Variants in CENPF observed in about 807,000 individuals in gnomAD.
CENPF encodes the protein centromere protein F.
In CENPF, 214 loss-of-function variants were observed where a neutral mutation model predicts 307.3. The ratio of observed to expected loss-of-function variants is 0.70; its 90% CI spans 0.62 to 0.78. The LOEUF (loss-of-function observed/expected upper bound fraction) is 0.78. CENPF is among the 30% of genes least tolerant of loss of function. The pLI, the probability that CENPF is intolerant of heterozygous loss-of-function variation, is 0.00. For missense variants in CENPF, 3,401 were observed against 3,483.9 expected (o/e 0.98, Z 0.60); for synonymous variants, 1,259 against 1,270.6 (o/e 0.99, Z 0.19).
At position 214,642,920 on chromosome 1, in the gene CENPF, T is replaced by C. The variant is rs141472136; in HGVS notation, c.4582T>C (p.Cys1528Arg). Residue 1528 changes from cysteine to arginine, a missense_variant, in exon 12 of 20, where the codon TGC (cysteine) becomes CGC (arginine). By Grantham distance (180) the Cys-to-Arg change is radical. Transcript: ENST00000366955. ...ANQCSVDEVF[C>R]SSLQEENLTR... ...CCAGTGCAGTGTAGATGAAGTATTT[T>C]GCAGCAGTCTGCAGGAGGAGAATCT... 371 of 1,613,818 alleles carry C rather than the reference T, an allele frequency of 2.3e-4. 1 individual carries two copies. The highest frequency in any genetic ancestry group is 1.3e-3 in the Admixed American group (75 of 59,994).
intron 1 of CENPF, among the ~76,000 whole-genome samples, chr1:214,607,731 G>A (rs1486910945): frequency 1.3e-5 from 2 of 152,188 alleles, no homozygotes. Flanking sequence ...TCAAACACCA[G>A]TGAAGGCCCC....
At chr1:214,638,840 A>G (rs956495059) in intron 11 of CENPF, among the ~76,000 whole-genome samples, 1 of 152,218 alleles carries the variant, frequency 6.6e-6, no homozygotes, top group Admixed American at 6.5e-5. Flanking sequence ...AATCTTCCCA[A>G]GACAGCTTTT....
Position 214,608,250 on chromosome 1 carries a change from C to T in CENPF, c.-42+4929C>T, listed in dbSNP as rs1190149817. On this transcript the variant is annotated intron_variant, in intron 1 of 19. Transcript: ENST00000366955. ...CTTCCTCCCAGGGAAGCCCGCCCCCCGGCCCCCGGCCTGGTCCCCTCTTGG... is the reference window on the plus strand; with the variant it reads ...CTTCCTCCCAGGGAAGCCCGCCCCCTGGCCCCCGGCCTGGTCCCCTCTTGG... The T allele has an allele frequency of 6.7e-6, 10 of 1,485,916 alleles. No homozygotes were observed. The African/African-American group carries it at 7.0e-5, about 10-fold the overall frequency. The allele number at this position is 1,485,916 out of a possible 1,614,324, so 92.0% of individuals were successfully genotyped here. A position where few individuals can be genotyped will look rare whatever the true frequency, so the allele number is the denominator to read the frequency against.
Position 214,663,646 on chromosome 1 carries a change from C to T in CENPF, c.9197C>T (p.Thr3066Ile). ...VDSGTILREP[T>I]TKSVPVNNLP... ...TCAGGCACCATCCTCCGAGAACCCACCACGAAATCCGTCCCAGTCAATAAT... is the reference window on the plus strand; with the variant it reads ...TCAGGCACCATCCTCCGAGAACCCATCACGAAATCCGTCCCAGTCAATAAT... The change falls in exon 20 of 20, where the codon ACC (threonine) becomes ATC (isoleucine). Residue 3066 changes from threonine (T) to isoleucine (I), a missense_variant. Coordinates refer to ENST00000366955, the MANE Select transcript of CENPF (RefSeq NM_016343.4). The T allele has an allele frequency of 6.2e-7, 1 of 1,614,120 alleles. No homozygotes were observed. The highest frequency in any genetic ancestry group is 1.1e-5 in the South Asian group (1 of 91,062).
At chr1:214,605,853 C>G (rs1231866101) in intron 1 of CENPF, 4 of 1,596,714 alleles carry the variant, frequency 2.5e-6, no homozygotes, top group Non-Finnish European at 2.5e-6. Flanking sequence ...TCCTCCGTGC[C>G]GTGGATGATG....
intron 1 of CENPF, among the ~76,000 whole-genome samples, chr1:214,607,891 TG>T (rs1311613757): frequency 6.6e-6 from 1 of 152,150 alleles, no homozygotes; most frequent in Non-Finnish European, 1.5e-5. Flanking sequence ...CAGGGCCTCA[TG>T]GGCCAGGCCT....
rs140761754 is a variant in CENPF at position 214,645,268 on chromosome 1, G to A, written c.5698G>A (p.Val1900Met). 4.3e-6 allele frequency: 7 copies of A among 1,614,026 alleles called. No homozygotes were observed. Among genetic ancestry groups the A allele is most frequent in the South Asian group, 1.1e-5 (1 of 91,084 alleles). The change falls in exon 13 of 20, where the codon GTG becomes ATG. Residue 1900 changes from valine (V) to methionine (M), a missense_variant. Coordinates refer to ENST00000366955, the MANE Select transcript of CENPF (RefSeq NM_016343.4). ...CAGCTGGAAGGAGAGATTTCTTGAT[G>A]TGGAAAATGAGCTGAGTAGGATCAG... ...NDSWKERFLDVENELSRIRSE... is the reference protein window; with the variant it reads ...NDSWKERFLDMENELSRIRSE...
chr1:214,662,634 G>C (rs992775023), intron 19 of CENPF, among the ~76,000 whole-genome samples: 2 of 152,164 alleles, frequency 1.3e-5, no homozygotes, highest in Non-Finnish European at 2.9e-5. Context: ...CATTATGCAA[G>C]AGGCCCTTCT....
At chr1:214,653,131 G>T in intron 16 of CENPF, 142 bp downstream of exon 16, 3 of 774,462 alleles carry the variant, frequency 3.9e-6, no homozygotes, top group South Asian at 1.4e-5. Flanking sequence ...TCAGTTCTCT[G>T]CTGAGTTATC....
At chr1:214,608,854 C>T (rs1025431514) in intron 1 of CENPF, 27 of 1,519,598 alleles carry the variant, frequency 1.8e-5, no homozygotes, top group East Asian at 2.6e-5. Flanking sequence ...GGGCGCCGCC[C>T]GGGCCAGGCC....
At chr1:214,612,535 TACAG>T (rs1440612680) in intron 1 of CENPF, among the ~76,000 whole-genome samples, 4 of 152,006 alleles carry the variant, frequency 2.6e-5, no homozygotes, top group Non-Finnish European at 5.9e-5. Context: ...AAACCAGGGG[TACAG>T]ACAAAGTACC....
rs1658251065 is a variant in CENPF at position 214,645,139 on chromosome 1, C to T, written c.5569C>T (p.Leu1857Phe). The change falls in exon 13 of 20, where the codon CTC (leucine) becomes TTC (phenylalanine). Residue 1857 changes from leucine to phenylalanine, a missense_variant. Transcript: ENST00000366955. ...TTTTTCTTGTGATCACCAGGAGTTA[C>T]TCCAGAGAGTAGAAACTTCTGAAGG... ...EYFSCDHQELLQRVETSEGLN... is the reference protein window; with the variant it reads ...EYFSCDHQELFQRVETSEGLN... 6.2e-7 allele frequency: 1 copy of T among 1,613,836 alleles called. No individual in the cohort carries two copies. Among genetic ancestry groups the T allele is most frequent in the Non-Finnish European group, 8.5e-7 (1 of 1,179,934 alleles).
chr1:214,650,900 A>T (rs1658444450), intron 14 of CENPF, among the ~76,000 whole-genome samples: 1 of 152,128 alleles, frequency 6.6e-6, no homozygotes, highest in African/African-American at 2.4e-5. Context: ...AAACTAAGCC[A>T]AACCAACCAA....
At chr1:214,656,441 C>T (rs1658633600) in intron 17 of CENPF, among the ~76,000 whole-genome samples, 1 of 152,124 alleles carries the variant, frequency 6.6e-6, no homozygotes, top group Non-Finnish European at 1.5e-5. Flanking sequence ...AACCCTTTTT[C>T]ATCAGATCCT....
rs762654006 is a variant in CENPF, at chr1:214,642,174, T to C, written c.3836T>C (p.Leu1279Ser). The change falls in exon 12 of 20, where the codon TTG (leucine) becomes TCG (serine). Residue 1279 changes from leucine to serine, a missense_variant. Physicochemically the swap from Leu to Ser is moderately radical, Grantham distance 145 (BLOSUM62 -2). Coordinates refer to ENST00000366955, the MANE Select transcript of CENPF (RefSeq NM_016343.4). ...AAGTATATTTCAGGGCCTCATGAGT[T>C]GTCAACAAGTCAAAACGACAATGCA... The part of the protein sequence containing the change: ...EEKYISGPHE[L>S]STSQNDNAHL... The C allele has an allele frequency of 1.9e-6, 3 of 1,614,150 alleles. No individual in the cohort carries two copies. The highest frequency in any genetic ancestry group is 1.7e-6 in the Non-Finnish European group (2 of 1,180,026).
At chr1:214,649,966 A>G (rs760862079) in intron 14 of CENPF, among the ~76,000 whole-genome samples, 2 of 152,270 alleles carry the variant, frequency 1.3e-5, no homozygotes, top group Non-Finnish European at 2.9e-5. Flanking sequence ...TCCTGCACTC[A>G]TGCAGCTTAC....
rs200341117 is a variant in CENPF at position 214,641,690 on chromosome 1, C to G, written c.3352C>G (p.Gln1118Glu). ...TCTGAGATCTGAGATGACAGATAAC[C>G]AAAACAATTCTAAGAGCGAGGCTGG... ...QALRSEMTDN[Q>E]NNSKSEAGGL... The change falls in exon 12 of 20, where the codon CAA (glutamine) becomes GAA (glutamate). Residue 1118 changes from glutamine to glutamate, a missense_variant. Physicochemically the swap from Gln to Glu is conservative, Grantham distance 29. Transcript: ENST00000366955. The G allele has an allele frequency of 2.0e-4, 314 of 1,578,222 alleles. 1 individual carries two copies. Among genetic ancestry groups the G allele is most frequent in the East Asian group, 1.1e-3 (49 of 44,270 alleles).
At chr1:214,639,784 A>AATAATGCC (rs986472924) in intron 11 of CENPF, 137 bp from the exon 12 acceptor site, 42 of 448,178 alleles carry the variant, frequency 9.4e-5, no homozygotes, top group Admixed American at 3.0e-4. Context: ...GTACCCAGGC[A>AATAATGCC]ATAATGCCAG....
At chr1:214,649,679 A>G (rs760114824) in intron 14 of CENPF, among the ~76,000 whole-genome samples, 4 of 152,236 alleles carry the variant, frequency 2.6e-5, no homozygotes, top group Non-Finnish European at 5.9e-5. Flanking sequence ...CTTAGACCAT[A>G]TTCTGGCCAT....
Sources: gnomAD v4.1 joint callset for allele counts (sites outside exome capture counted in the v4.1 genomes callset) on GRCh38, gnomAD v4.1.1 for gene constraint, MANE v1.5 for transcripts, NCBI Gene and HGNC (gene_info 2026-07-23, HGNC 2026-07-21) for gene names.